Variants in CSNK1G1 observed in about 807,000 individuals in gnomAD.
CSNK1G1 encodes the protein casein kinase 1 gamma 1.
In CSNK1G1, 22 loss-of-function variants were observed where a neutral mutation model predicts 59.6. That is an observed-to-expected ratio of 0.37 (90% CI 0.26 to 0.53). The LOEUF (loss-of-function observed/expected upper bound fraction) is 0.53, where lower values mean the gene tolerates loss of function less well. CSNK1G1 is among the 20% of genes least tolerant of loss of function. The pLI is 0.89. For missense variants in CSNK1G1, 384 were observed against 519.5 expected, an observed-to-expected ratio of 0.74 and a Z score of 2.54; for synonymous variants, 179 against 177.1, an observed-to-expected ratio of 1.01 and a Z score of -0.08.
intron 1 of CSNK1G1, among the ~76,000 whole-genome samples, chr15:64,353,418 G>A (rs576719197): frequency 3.3e-5 from 5 of 151,678 alleles, no homozygotes; most frequent in African/African-American, 9.6e-5. Context: ...AGGCTGAGGC[G>A]GGTGGATCAC....
chr15:64,340,548 G>A (rs1897632047), intron 1 of CSNK1G1, among the ~76,000 whole-genome samples: 1 of 152,188 alleles, frequency 6.6e-6, no homozygotes, highest in Non-Finnish European at 1.5e-5. Context: ...GGTAGAGACT[G>A]CAGGTGGCTT....
intron 4 of CSNK1G1, among the ~76,000 whole-genome samples, chr15:64,235,892 A>G (rs1016896023): frequency 6.6e-6 from 1 of 152,216 alleles, no homozygotes; most frequent in Non-Finnish European, 1.5e-5. Flanking sequence ...AAGAGAAAAA[A>G]GATAAATAAG....
At chr15:64,275,130 C>T (rs183199315) in intron 2 of CSNK1G1, among the ~76,000 whole-genome samples, 104 of 152,296 alleles carry the variant, frequency 6.8e-4, no homozygotes, top group African/African-American at 2.3e-3. Flanking sequence ...GAAACTCTGC[C>T]TCCCAGGTTC....
chr15:64,305,772 CAA>C (rs55865359), intron 1 of CSNK1G1, among the ~76,000 whole-genome samples: 8 of 134,294 alleles, frequency 6.0e-5, no homozygotes, highest in Non-Finnish European at 1.2e-4. Flanking sequence ...TGTGATATTG[CAA>C]AAAAAAAAAA....
At chr15:64,340,720 G>A (rs953007747) in intron 1 of CSNK1G1, among the ~76,000 whole-genome samples, 3 of 152,124 alleles carry the variant, frequency 2.0e-5, no homozygotes, top group Non-Finnish European at 4.4e-5. Context: ...TTGGGGGGCC[G>A]AGGCCAGAGG....
At chr15:64,328,973 ACTAT>A (rs1896985461) in intron 1 of CSNK1G1, among the ~76,000 whole-genome samples, 1 of 146,484 alleles carries the variant, frequency 6.8e-6, no homozygotes, top group African/African-American at 2.5e-5. Flanking sequence ...AGAGGAGCTA[ACTAT>A]CCTAAATATA....
chr15:64,237,056 T>A (rs186715787), intron 4 of CSNK1G1, among the ~76,000 whole-genome samples: 1 of 152,266 alleles, frequency 6.6e-6, no homozygotes, highest in East Asian at 1.9e-4. Context: ...ATATCATTCA[T>A]AAGTGCTAAA....
chr15:64,349,214 T>C (rs1054014550), intron 1 of CSNK1G1, among the ~76,000 whole-genome samples: 7 of 152,002 alleles, frequency 4.6e-5, no homozygotes. Context: ...TACCCCTTTT[T>C]ATAGGCTAAG....
intron 1 of CSNK1G1, among the ~76,000 whole-genome samples, chr15:64,353,321 C>G (rs775300452): frequency 5.3e-5 from 8 of 152,094 alleles, no homozygotes; most frequent in Non-Finnish European, 7.4e-5. Context: ...TGACACATAA[C>G]TATATTATTT....
intron 2 of CSNK1G1, among the ~76,000 whole-genome samples, chr15:64,285,752 C>T (rs1022743174): frequency 1.3e-5 from 2 of 152,000 alleles, no homozygotes; most frequent in Admixed American, 6.6e-5. Flanking sequence ...CTATGAACAC[C>T]TCTGGATAAA....
chr15:64,167,253 C>A lies in CSNK1G1; in HGVS notation c.*4678G>T, dbSNP rs2081612782. On this transcript the variant is annotated 3_prime_UTR_variant, in exon 12 of 12. Transcript: ENST00000303052. ...ACATTGCTCAAAAAGGATAAACCCA[C>A]ATAAGGGCCATGGTTGCCTCTTCTT... 6.6e-6 allele frequency: 1 copy of A among 152,188 alleles called. No homozygotes were observed. The allele number at this position is 152,188 out of a possible 1,614,324, so 9.4% of individuals were successfully genotyped here. A position where few individuals can be genotyped will look rare whatever the true frequency, so the allele number is the denominator to read the frequency against.
rs114022966 is a variant in CSNK1G1, at chr15:64,275,834, C to T, written c.182-16593G>A. On this transcript the variant is annotated intron_variant, in intron 2 of 11. Transcript: ENST00000303052. ...ATTATTTCATGAAACTTCATATACA[C>T]AGATATTAACTATGTGTATATTAAA... Among the ~76,000 whole-genome samples, 246 of 152,238 alleles carry T rather than the reference C, an allele frequency of 1.6e-3. 2 individuals are homozygous for T. Among genetic ancestry groups the T allele is most frequent in the African/African-American group, 5.7e-3 (237 of 41,540 alleles).
intron 1 of CSNK1G1, among the ~76,000 whole-genome samples, chr15:64,338,645 A>G (rs969692497): frequency 8.0e-5 from 10 of 125,390 alleles, no homozygotes; most frequent in Non-Finnish European, 1.4e-4. Flanking sequence ...GGTTGTGGTG[A>G]GCTGAGATCG....
At chr15:64,254,092 A>G (rs1408597773) in intron 3 of CSNK1G1, among the ~76,000 whole-genome samples, 1 of 152,146 alleles carries the variant, frequency 6.6e-6, no homozygotes, top group Non-Finnish European at 1.5e-5. Context: ...GCAAGCCTAG[A>G]TCGCACCACT....
chr15:64,172,364 C>T (rs1357612005), intron 11 of CSNK1G1, among the ~76,000 whole-genome samples: 2 of 152,188 alleles, frequency 1.3e-5, no homozygotes, highest in Admixed American at 1.3e-4. Context: ...ACATTGTCTA[C>T]TCCTTGATAC....
intron 2 of CSNK1G1, among the ~76,000 whole-genome samples, chr15:64,292,348 G>C (rs549207563): frequency 1.3e-5 from 2 of 152,168 alleles, no homozygotes; most frequent in Non-Finnish European, 2.9e-5. Context: ...TAGAAGCCAT[G>C]CAGGAGTGTC....
chr15:64,278,643 G>A (rs963012872), intron 2 of CSNK1G1, among the ~76,000 whole-genome samples: 1 of 151,904 alleles, frequency 6.6e-6, no homozygotes, highest in African/African-American at 2.4e-5. Flanking sequence ...TGGCCAAGCT[G>A]GTGTCGAACT....
chr15:64,216,416 T>G lies in CSNK1G1; in HGVS notation c.444+146A>C, dbSNP rs927123798. 6 of 743,186 alleles carry G rather than the reference T, an allele frequency of 8.1e-6. No individual in the cohort carries two copies. Among genetic ancestry groups the G allele is most frequent in the East Asian group, 5.4e-5 (2 of 36,890 alleles). The allele number at this position is 743,186 out of a possible 1,614,324, so 46.0% of individuals were successfully genotyped here. A position where few individuals can be genotyped will look rare whatever the true frequency, so the allele number is the denominator to read the frequency against. ...GTGACTTCTCTGAATTTACCCTTTT[T>G]GCCCCAGCCAGCTTCCCAGAATGCC... On this transcript the variant is annotated intron_variant, in intron 5 of 11. Transcript: ENST00000303052. This position sits in a 1 kb window ranked among gnomAD's most constrained non-coding sequence, Gnocchi z 4.6.
At chr15:64,240,488 T>C (rs1005315229) in intron 4 of CSNK1G1, among the ~76,000 whole-genome samples, 2 of 152,078 alleles carry the variant, frequency 1.3e-5, no homozygotes, top group Non-Finnish European at 2.9e-5. Context: ...CACTTTATAT[T>C]ACAGTCCTAA....
Sources: allele counts gnomAD v4.1 joint callset (sites outside exome capture counted in the v4.1 genomes callset), GRCh38; gene constraint gnomAD v4.1.1; non-coding constraint Gnocchi (gnomAD v3.1); transcripts MANE v1.5; gene names NCBI Gene and HGNC (gene_info 2026-07-23, HGNC 2026-07-21).